Variants in EHBP1 observed in about 807,000 individuals in gnomAD.
EHBP1 encodes the protein EH domain-binding protein 1.
A neutral mutation model predicts 144.0 loss-of-function variants in EHBP1; 55 were observed. The observed-to-expected ratio is 0.38, with a 90% confidence interval of 0.31 to 0.48. The LOEUF (loss-of-function observed/expected upper bound fraction) is 0.48. EHBP1 is among the 20% of genes least tolerant of loss of function. The pLI is 0.98. For missense variants in EHBP1, 1,200 were observed against 1,364.2 expected (o/e 0.88, Z 1.90); for synonymous variants, 469 against 472.7 (o/e 0.99, Z 0.10).
chr2:62,714,846 C>A (rs1055809280), intron 2 of EHBP1, among the ~76,000 whole-genome samples: 1 of 152,156 alleles, frequency 6.6e-6, no homozygotes, highest in Non-Finnish European at 1.5e-5. Flanking sequence ...GGGAATGTGC[C>A]TGCAGAAGTA....
chr2:62,860,589 CT>C (rs1243642116), intron 8 of EHBP1, among the ~76,000 whole-genome samples: 1 of 152,138 alleles, frequency 6.6e-6, no homozygotes, highest in Non-Finnish European at 1.5e-5. Flanking sequence ...AATTATTTGA[CT>C]TTAGGTTAGA....
At chr2:62,918,078 G>A (rs1026677660) in intron 10 of EHBP1, among the ~76,000 whole-genome samples, 1 of 151,926 alleles carries the variant, frequency 6.6e-6, no homozygotes, top group Non-Finnish European at 1.5e-5. Context: ...TCTATTTTTA[G>A]TAGAGATGGA....
At chr2:62,989,209 A>T (rs72811588) in intron 15 of EHBP1, among the ~76,000 whole-genome samples, 3,152 of 151,946 alleles carry the variant, frequency 0.021, 116 homozygotes, top group East Asian at 0.089. Flanking sequence ...ATTTTTTTTT[A>T]AAAAAACATT....
intron 7 of EHBP1, among the ~76,000 whole-genome samples, chr2:62,856,279 A>G (rs941874625): frequency 1.3e-5 from 2 of 152,204 alleles, no homozygotes; most frequent in Non-Finnish European, 2.9e-5. Context: ...GGGAGCACAT[A>G]TCTGGGAGCT....
At chr2:63,033,835 C>T (rs1009656396) in intron 19 of EHBP1, among the ~76,000 whole-genome samples, 10 of 152,212 alleles carry the variant, frequency 6.6e-5, no homozygotes, top group Non-Finnish European at 1.2e-4. Context: ...TTAACACTGA[C>T]TATTGCATGT....
chr2:63,044,995 G>A, intron 21 of EHBP1, 71 bp from the exon 22 acceptor site: 2 of 1,142,108 alleles, frequency 1.8e-6, no homozygotes, highest in Non-Finnish European at 2.5e-6. Flanking sequence ...GGAAAAGGCG[G>A]GAAGGGGAGG....
At chr2:62,897,887 A>G (rs1018961430) in intron 10 of EHBP1, among the ~76,000 whole-genome samples, 6 of 152,136 alleles carry the variant, frequency 3.9e-5, no homozygotes, top group Non-Finnish European at 5.9e-5. Context: ...AATGTTCTGT[A>G]TCTGCATTAA....
chr2:62,846,979 A>G (rs57093504), intron 7 of EHBP1, among the ~76,000 whole-genome samples: 5,960 of 152,280 alleles, frequency 0.039, 397 homozygotes, highest in African/African-American at 0.14. Context: ...AAGAAATTCA[A>G]AAGTGATTCT....
chr2:62,987,963 G>A (rs768914060), intron 15 of EHBP1: 33 of 1,603,794 alleles, frequency 2.1e-5, no homozygotes, highest in African/African-American at 8.0e-5. Context: ...AGATACTAAC[G>A]AGGAGATCCC....
intron 7 of EHBP1, among the ~76,000 whole-genome samples, chr2:62,854,982 C>T (rs2048933684): frequency 6.6e-6 from 1 of 152,194 alleles, no homozygotes; most frequent in African/African-American, 2.4e-5. Flanking sequence ...GGGAGCCCTG[C>T]CCTCCTGGGT....
At chr2:62,984,585 G>A (rs1032125619) in intron 15 of EHBP1, among the ~76,000 whole-genome samples, 4 of 152,200 alleles carry the variant, frequency 2.6e-5, no homozygotes, top group Non-Finnish European at 5.9e-5. Flanking sequence ...TAAGAATACA[G>A]TTAGAGCATT....
At chr2:62,863,107 A>G (rs2049719927) in intron 8 of EHBP1, among the ~76,000 whole-genome samples, 1 of 150,308 alleles carries the variant, frequency 6.7e-6, no homozygotes, top group South Asian at 2.1e-4. Flanking sequence ...ACATGGTGAA[A>G]CCCTGTCTCT....
At chr2:62,902,790 C>T (rs150901467) in intron 10 of EHBP1, among the ~76,000 whole-genome samples, 1,539 of 152,210 alleles carry the variant, frequency 0.01, 10 homozygotes, top group Non-Finnish European at 0.016. Flanking sequence ...TATTTTTAAA[C>T]AGTTATTGCA....
chr2:62,942,562 G>A (rs1022271972), intron 10 of EHBP1, among the ~76,000 whole-genome samples, 156 bp from the exon 11 acceptor site: 1 of 152,210 alleles, frequency 6.6e-6, no homozygotes, highest in Non-Finnish European at 1.5e-5. Context: ...TAAGATTTAT[G>A]TCTCCCTCTT....
intron 2 of EHBP1, among the ~76,000 whole-genome samples, chr2:62,730,076 G>A (rs2037360989): frequency 1.3e-5 from 2 of 151,946 alleles, no homozygotes; most frequent in Non-Finnish European, 2.9e-5. Flanking sequence ...CTAGTTTTTG[G>A]TCTTTCTCCT....
rs181632235 is a variant in EHBP1, at chr2:62,713,388, T to G, written c.104+6093T>G. Among the ~76,000 whole-genome samples the G allele has an allele frequency of 2.3e-3, 343 of 151,962 alleles. 5 individuals are homozygous for G. Among genetic ancestry groups the G allele is most frequent in the Admixed American group, 5.5e-3 (83 of 15,226 alleles). On this transcript the variant is annotated intron_variant, in intron 2 of 22. Coordinates refer to ENST00000431489, the MANE Select transcript of EHBP1 (RefSeq NM_001142616.3). The stretch of plus-strand genomic sequence containing the variant: ...TCCTAAGTAGCTGGGATTACCGGCA[T>G]GTACCACCATGTCTGGCTAGTTTTT...
intron 7 of EHBP1, among the ~76,000 whole-genome samples, chr2:62,835,615 G>A (rs1200208060): frequency 6.6e-6 from 1 of 152,126 alleles, no homozygotes; most frequent in Non-Finnish European, 1.5e-5. Flanking sequence ...CAGACAGTGG[G>A]CGCAGGCCAG....
intron 1 of EHBP1, among the ~76,000 whole-genome samples, chr2:62,680,141 G>C (rs527771625): frequency 1.4e-4 from 21 of 152,268 alleles, no homozygotes; most frequent in Middle Eastern, 6.8e-3. Flanking sequence ...CTGAGTTAAG[G>C]GGAGATCACC....
intron 1 of EHBP1, among the ~76,000 whole-genome samples, chr2:62,676,141 C>A (rs373317736): frequency 1.2e-5 from 1 of 83,718 alleles, no homozygotes; most frequent in Non-Finnish European, 2.5e-5. Flanking sequence ...ATGAATCTAT[C>A]CTTAATTAAG....
Sources: gnomAD v4.1 joint callset for allele counts (sites outside exome capture counted in the v4.1 genomes callset) on GRCh38, gnomAD v4.1.1 for gene constraint, MANE v1.5 for transcripts, NCBI Gene and HGNC (gene_info 2026-07-23, HGNC 2026-07-21) for gene names.